CFB: variants seen among roughly 807,000 people sequenced by gnomAD.
CFB encodes the protein complement factor B.
Under a neutral mutation model 97.2 loss-of-function variants are expected in CFB, and 59 were observed. The ratio of observed to expected loss-of-function variants is 0.61; its 90% CI spans 0.49 to 0.75. The LOEUF is 0.75. Among genes scored for constraint, CFB ranks in the 30% least tolerant of loss-of-function variants. CFB has a pLI of 0.00. For missense variants in CFB, 771 were observed against 959.8 expected, an observed-to-expected ratio of 0.80 and a Z score of 2.60; for synonymous variants, 316 against 351.7, an observed-to-expected ratio of 0.90 and a Z score of 1.14.
At chr6:31,948,773 G>A in intron 7 of CFB, 57 bp from the exon 8 acceptor site, 3 of 1,612,616 alleles carry the variant, frequency 1.9e-6, no homozygotes. Flanking sequence ...TTGGTCTCTG[G>A]GGTTAAAAGA....
In CFB at chr6:31,951,801, A is replaced by G. The variant is rs2072633; in HGVS notation, c.2140-74A>G. On this transcript the variant is annotated intron_variant, in intron 17 of 17. Transcript: ENST00000425368. The surrounding 1 kb of genome is among the most constrained non-coding windows in gnomAD (Gnocchi z 4.3). ...CTGATTCCTTTAGGTCAGCTAAGAC[A>G]CAAGCAGGAACAGCCATGCTTCCAG... 0.57 allele frequency: 911,783 copies of G among 1,607,806 alleles called. 263,825 individuals are homozygous for G. Among genetic ancestry groups the G allele is most frequent in the Middle Eastern group, 0.79 (4,092 of 5,176 alleles).
rs1348893423 is a variant in CFB, at chr6:31,948,080, A to C, written c.896A>C (p.Lys299Thr). 1 of 1,614,142 alleles carries C rather than the reference A, an allele frequency of 6.2e-7. No homozygotes were observed. The highest frequency in any genetic ancestry group is 1.1e-5 in the South Asian group (1 of 91,078). Residue 299 changes from lysine (K) to threonine (T), a missense_variant and splice_region_variant, in exon 6 of 18, where the codon AAG (lysine) becomes ACG (threonine). Physicochemically the swap from Lys to Thr is moderately conservative, Grantham distance 78. Coordinates refer to ENST00000425368, the MANE Select transcript of CFB (RefSeq NM_001710.6). The stretch of plus-strand genomic sequence containing the variant: ...AAGTGTCTAGTCAACTTAATTGAGA[A>C]GGTGGAATCCTCCTATCCCTGAACT... Reference protein sequence around the residue: ...AKKCLVNLIEKVASYGVKPRY... With the variant: ...AKKCLVNLIETVASYGVKPRY...
Position 31,948,011 on chromosome 6 carries a change from A to G in CFB, c.827A>G (p.Asp276Gly). ...TCCATGAACATCTACCTGGTGCTAG[A>G]TGGATCAGACAGCATTGGGGCCAGC... The part of the protein sequence containing the change: ...SGSMNIYLVL[D>G]GSDSIGASNF... The change falls in exon 6 of 18, where the codon GAT becomes GGT. Residue 276 changes from aspartate (D) to glycine (G), a missense_variant. Asp to Gly is a moderately conservative substitution (Grantham distance 94, BLOSUM62 -1). Coordinates refer to ENST00000425368, the MANE Select transcript of CFB (RefSeq NM_001710.6). 6.2e-7 allele frequency: 1 copy of G among 1,614,186 alleles called. No individual in the cohort carries two copies.
In CFB at chr6:31,950,044, T is replaced by G; in HGVS notation, c.1409-6T>G. 3 of 1,612,988 alleles carry G rather than the reference T, an allele frequency of 1.9e-6. No homozygotes were observed. The South Asian group carries it at 3.3e-5, about 18-fold the overall frequency. On this transcript the variant is annotated splice_polypyrimidine_tract_variant and splice_region_variant and intron_variant, in intron 10 of 17. Coordinates refer to ENST00000425368, the MANE Select transcript of CFB (RefSeq NM_001710.6). The stretch of plus-strand genomic sequence containing the variant: ...GAGTTTTCAGCACATTCTCCTTCTC[T>G]GCCAGATGAAAGCCAGTCTCTGAGT...
chr6:31,949,410 T>G lies in CFB; in HGVS notation c.1271-10T>G, dbSNP rs773720431. The G allele has an allele frequency of 6.2e-7, 1 of 1,614,240 alleles. No individual in the cohort carries two copies. The highest frequency in any genetic ancestry group is 1.1e-5 in the South Asian group (1 of 91,088). On this transcript the variant is annotated splice_polypyrimidine_tract_variant and intron_variant, in intron 9 of 17. Transcript: ENST00000425368. ...GGCTTGGACCCTCATCCTTCCTTTT[T>G]ATCCCTCAGATGTCTATGTGTTTGG...
chr6:31,950,238 G>A (rs1771668516), intron 11 of CFB, 48 bp from the exon 12 acceptor site: 1 of 1,604,856 alleles, frequency 6.2e-7, no homozygotes, highest in Non-Finnish European at 8.5e-7. Flanking sequence ...CATAAGAGAT[G>A]GTGGTTTGTG....
intron 8 of CFB, 140 bp from the exon 9 acceptor site, chr6:31,949,102 CT>C: frequency 6.9e-7 from 1 of 1,439,746 alleles, no homozygotes; most frequent in Non-Finnish European, 9.6e-7. Flanking sequence ...TCCTGTGACC[CT>C]TCATAAGGAA....
At position 31,951,679 on chromosome 6, in the gene CFB, T is replaced by C. The variant is rs780561436; in HGVS notation, c.2139+75T>C. ...CCCCAAAGCAGGAAAGCTCAATGCA[T>C]GTGGCTAGTAATTCGAGGTAGGCAG... On this transcript the variant is annotated intron_variant, in intron 17 of 17. Transcript: ENST00000425368. The surrounding 1 kb of genome is among the most constrained non-coding windows in gnomAD (Gnocchi z 4.3). 1.9e-6 allele frequency: 3 copies of C among 1,597,786 alleles called. No homozygotes were observed. The highest frequency in any genetic ancestry group is 2.2e-5 in the East Asian group (1 of 44,816).
Position 31,951,624 on chromosome 6 carries a change from T to C in CFB, c.2139+20T>C. The C allele has an allele frequency of 2.5e-6, 4 of 1,614,092 alleles. No individual in the cohort carries two copies. The highest frequency in any genetic ancestry group is 3.4e-6 in the Non-Finnish European group (4 of 1,179,988). On this transcript the variant is annotated intron_variant, in intron 17 of 17. Coordinates refer to ENST00000425368, the MANE Select transcript of CFB (RefSeq NM_001710.6). The surrounding 1 kb of genome is among the most constrained non-coding windows in gnomAD (Gnocchi z 4.3). ...ATTCAAGTGAGTCCTCCCTTTCCTA[T>C]CTGGGGAGATGCCAAGTGGTCAGCA...
Position 31,948,833 on chromosome 6 carries a change from A to G in CFB, c.1040A>G (p.His347Arg), listed in dbSNP as rs1353390084. The change falls in exon 8 of 18, where the codon CAC (histidine) becomes CGC (arginine). Residue 347 changes from histidine to arginine, a missense_variant. Coordinates refer to ENST00000425368, the MANE Select transcript of CFB (RefSeq NM_001710.6). Reference protein sequence around the residue: ...KQLNEINYEDHKLKSGTNTKK... With the variant: ...KQLNEINYEDRKLKSGTNTKK... The stretch of plus-strand genomic sequence containing the variant: ...ATGGTCTCTTCCCTCTCCACAGACC[A>G]CAAGTTGAAGTCAGGGACTAACACC... 6.2e-7 allele frequency: 1 copy of G among 1,613,084 alleles called. No individual in the cohort carries two copies. Among genetic ancestry groups the G allele is most frequent in the African/African-American group, 1.3e-5 (1 of 75,030 alleles).
intron 10 of CFB, 121 bp from the exon 11 acceptor site, chr6:31,949,929 A>G (rs1450930317): frequency 1.1e-6 from 1 of 921,296 alleles, no homozygotes; most frequent in Admixed American, 1.9e-5. Flanking sequence ...GGAAACAAAT[A>G]CCCGTGGTCT....
Position 31,947,135 on chromosome 6 carries a change from C to T in CFB, c.427C>T (p.Arg143Cys), listed in dbSNP as rs1242945827. ...DGYTLRGSANRTCQVNGRWSG... is the reference protein window; with the variant it reads ...DGYTLRGSANCTCQVNGRWSG... Reference sequence around the variant, plus strand: ...TTACACTCTCCGGGGCTCTGCCAATCGCACCTGCCAAGTGAATGGCCGATG... The same window carrying T: ...TTACACTCTCCGGGGCTCTGCCAATTGCACCTGCCAAGTGAATGGCCGATG... The change falls in exon 3 of 18, where the codon CGC (arginine) becomes TGC (cysteine). Residue 143 changes from arginine to cysteine, a missense_variant. Coordinates refer to ENST00000425368, the MANE Select transcript of CFB (RefSeq NM_001710.6). This position sits in a 1 kb window ranked among gnomAD's most constrained non-coding sequence, Gnocchi z 5.3. 3.7e-6 allele frequency: 6 copies of T among 1,612,870 alleles called. No individual in the cohort carries two copies. Among genetic ancestry groups the T allele is most frequent in the East Asian group, 2.2e-5 (1 of 44,876 alleles).
Position 31,946,579 on chromosome 6 carries a change from A to G in CFB, c.271A>G (p.Lys91Glu), listed in dbSNP as rs751349664. ...GAGCACCCTGAAGACTCAAGACCAAAAGACTGTCAGGAAGGCAGAGTGCAG... is the reference window on the plus strand; with the variant it reads ...GAGCACCCTGAAGACTCAAGACCAAGAGACTGTCAGGAAGGCAGAGTGCAG... ...SWSTLKTQDQ[K>E]TVRKAECRAI... The change falls in exon 2 of 18, where the codon AAG (lysine) becomes GAG (glutamate). Residue 91 changes from lysine (K) to glutamate (E), a missense_variant. By Grantham distance (56) the Lys-to-Glu change is moderately conservative. Coordinates refer to ENST00000425368, the MANE Select transcript of CFB (RefSeq NM_001710.6). This position sits in a 1 kb window ranked among gnomAD's most constrained non-coding sequence, Gnocchi z 6.4. 5 of 1,611,598 alleles carry G rather than the reference A, an allele frequency of 3.1e-6. No homozygotes were observed. Among genetic ancestry groups the G allele is most frequent in the Non-Finnish European group, 3.4e-6 (4 of 1,180,010 alleles).
rs1427854251 is a variant in CFB, at chr6:31,947,286, C to T, written c.485-62C>T. On this transcript the variant is annotated intron_variant, in intron 3 of 17. Transcript: ENST00000425368. The surrounding 1 kb of genome is among the most constrained non-coding windows in gnomAD (Gnocchi z 5.3). ...GGCTCCGGACACTGTAACTCTTGCT[C>T]TCTACCTTGCTCACGGGGCCTCAGG... 7.4e-6 allele frequency: 12 copies of T among 1,611,682 alleles called. No individual in the cohort carries two copies. In the African/African-American group the frequency reaches 1.3e-4, roughly 18 times the overall value.
In CFB at chr6:31,951,835, A is replaced by G. The variant is rs555096162; in HGVS notation, c.2140-40A>G. On this transcript the variant is annotated intron_variant, in intron 17 of 17. Coordinates refer to ENST00000425368, the MANE Select transcript of CFB (RefSeq NM_001710.6). This position sits in a 1 kb window ranked among gnomAD's most constrained non-coding sequence, Gnocchi z 4.3. ...AACAGCCATGCTTCCAGGATTAGGA[A>G]TTCTACTGAATGATCCATGGCACCC... 6.2e-7 allele frequency: 1 copy of G among 1,613,072 alleles called. No individual in the cohort carries two copies. Among genetic ancestry groups the G allele is most frequent in the African/African-American group, 1.3e-5 (1 of 75,040 alleles).
Position 31,952,056 on chromosome 6 carries a change from G to A in CFB, c.*26G>A, listed in dbSNP as rs761425268. ...GGGGTTTCCTGCTGGACAGGGGCGT[G>A]GGATTGAATTAAAACAGCTGCGACA... On this transcript the variant is annotated 3_prime_UTR_variant, in exon 18 of 18. Coordinates refer to ENST00000425368, the MANE Select transcript of CFB (RefSeq NM_001710.6). 6.2e-7 allele frequency: 1 copy of A among 1,611,540 alleles called. No individual in the cohort carries two copies. The highest frequency in any genetic ancestry group is 2.2e-5 in the East Asian group (1 of 44,886).
Position 31,946,946 on chromosome 6 carries a change from G to C in CFB, c.299-61G>C, listed in dbSNP as rs1310006899. On this transcript the variant is annotated intron_variant, in intron 2 of 17. Coordinates refer to ENST00000425368, the MANE Select transcript of CFB (RefSeq NM_001710.6). The surrounding 1 kb of genome is among the most constrained non-coding windows in gnomAD (Gnocchi z 6.4). Reference sequence around the variant, plus strand: ...AGTGACATGGTCTCCGAGACCAGGAGGGATACACCTAAGGCAGCCTTTCCC... The same window carrying C: ...AGTGACATGGTCTCCGAGACCAGGACGGATACACCTAAGGCAGCCTTTCCC... 5.1e-6 allele frequency: 8 copies of C among 1,566,454 alleles called. No individual in the cohort carries two copies. The South Asian group carries it at 7.8e-5, about 15-fold the overall frequency.
Position 31,951,183 on chromosome 6 carries a change from TTG to T in CFB, c.1899_1900del (p.Ser634Ter). The T allele has an allele frequency of 1.2e-6, 2 of 1,613,028 alleles. No homozygotes were observed. Among genetic ancestry groups the T allele is most frequent in the Non-Finnish European group, 1.7e-6 (2 of 1,179,980 alleles). ...CCTGCACAGGATATCAAAGCTCTGTTTGTGTCTGAGGAGGAGAAAAAGCTGAC... is the reference window on the plus strand; with the variant it reads ...CCTGCACAGGATATCAAAGCTCTGTTTGTCTGAGGAGGAGAAAAAGCTGAC... On this transcript the variant is annotated frameshift_variant, in exon 15 of 18. Transcript: ENST00000425368. LOFTEE classifies it high-confidence loss of function. This position sits in a 1 kb window ranked among gnomAD's most constrained non-coding sequence, Gnocchi z 4.3.
In CFB at chr6:31,951,851, C is replaced by T; in HGVS notation, c.2140-24C>T. On this transcript the variant is annotated intron_variant, in intron 17 of 17. Transcript: ENST00000425368. The surrounding 1 kb of genome is among the most constrained non-coding windows in gnomAD (Gnocchi z 4.3). ...GGATTAGGAATTCTACTGAATGATC[C>T]ATGGCACCCCACTGCCTCTGCAGGT... 6.2e-7 allele frequency: 1 copy of T among 1,613,162 alleles called. No homozygotes were observed. Among genetic ancestry groups the T allele is most frequent in the Non-Finnish European group, 8.5e-7 (1 of 1,180,030 alleles).
Sources: allele counts gnomAD v4.1 joint callset, GRCh38; gene constraint gnomAD v4.1.1; non-coding constraint Gnocchi (gnomAD v3.1); transcripts MANE v1.5; gene names NCBI Gene and HGNC (gene_info 2026-07-23, HGNC 2026-07-21).